Variants in HIP1 observed in about 807,000 individuals in gnomAD.
HIP1 encodes huntingtin-interacting protein 1.
In HIP1, 65 loss-of-function variants were observed where a neutral mutation model predicts 147.6. The observed-to-expected ratio is 0.44, with a 90% CI of 0.36 to 0.54. The LOEUF (loss-of-function observed/expected upper bound fraction) is 0.54. Ranked by LOEUF, HIP1 falls within the 20% of genes least tolerant of loss-of-function variation. HIP1 has a pLI of 0.00. For synonymous variants in HIP1, 479 were observed against 504.0 expected (o/e 0.95, Z 0.67); for missense variants, 1,061 against 1,299.6 (o/e 0.82, Z 2.82).
At position 75,618,850 on chromosome 7, in the gene HIP1, C is replaced by T. The variant is rs1481161359; in HGVS notation, c.121-19603G>A. 3.3e-5 allele frequency among the ~76,000 whole-genome samples: 5 copies of T among 151,980 alleles called. No individual in the cohort carries two copies. In the East Asian group the frequency reaches 5.8e-4, roughly 18 times the overall value. ...CCTGATGCCTCTCCCTTGAGCACATCCTTTTTTTTTTCTTCCAAGTTTTTT... is the reference window on the plus strand; with the variant it reads ...CCTGATGCCTCTCCCTTGAGCACATTCTTTTTTTTTTCTTCCAAGTTTTTT... On this transcript the variant is annotated intron_variant, in intron 1 of 30. Transcript: ENST00000336926.
chr7:75,660,578 G>C (rs1799280881), intron 1 of HIP1, among the ~76,000 whole-genome samples: 1 of 152,110 alleles, frequency 6.6e-6, no homozygotes. Context: ...ATTGGTAAGA[G>C]AAGCATTACC....
intron 1 of HIP1, among the ~76,000 whole-genome samples, chr7:75,644,452 G>C (rs1313485380): frequency 6.6e-6 from 1 of 151,954 alleles, no homozygotes; most frequent in Admixed American, 6.6e-5. Flanking sequence ...GCACCACCAC[G>C]CTCGGCAAAC....
At chr7:75,595,188 CT>C (rs1294112856) in intron 2 of HIP1, among the ~76,000 whole-genome samples, 2 of 31,436 alleles carry the variant, frequency 6.4e-5, no homozygotes, top group Non-Finnish European at 1.5e-4. Flanking sequence ...TGTAGGAGTC[CT>C]TTCTTTCTTT....
intron 1 of HIP1, among the ~76,000 whole-genome samples, chr7:75,611,255 T>A (rs1239741684): frequency 6.6e-6 from 1 of 151,440 alleles, no homozygotes. Flanking sequence ...TTACTTGAGG[T>A]TCGGAGTTCA....
intron 1 of HIP1, among the ~76,000 whole-genome samples, chr7:75,664,407 T>C (rs1056540800): frequency 2.8e-5 from 4 of 143,686 alleles, no homozygotes; most frequent in Admixed American, 7.0e-5. Flanking sequence ...CATACATATA[T>C]ACACATACAT....
intron 7 of HIP1, 119 bp downstream of exon 7, chr7:75,581,118 T>C (rs1796025249): frequency 1.4e-6 from 1 of 717,660 alleles, no homozygotes; most frequent in Admixed American, 2.3e-5. Context: ...AGACCAGAGA[T>C]GGGGTGTGAA....
intron 1 of HIP1, among the ~76,000 whole-genome samples, chr7:75,616,332 C>T (rs908319832): frequency 1.2e-4 from 18 of 151,870 alleles, no homozygotes; most frequent in African/African-American, 3.6e-4. Flanking sequence ...TGTAGTGGTA[C>T]GATCATAGCT....
rs868950241 is a variant in HIP1 at position 75,537,636 on chromosome 7, G to A, written c.*536C>T. The A allele has an allele frequency of 1.7e-4, 39 of 233,802 alleles. No individual in the cohort carries two copies. Among genetic ancestry groups the A allele is most frequent in the South Asian group, 5.4e-4 (3 of 5,602 alleles). The allele number at this position is 233,802 out of a possible 1,614,324, so 14.5% of individuals were successfully genotyped here. ...CATTCACAGCCAGGACACTCCTGCC[G>A]TCCTTCTGACTGTGCAGATCTCAGG... On this transcript the variant is annotated 3_prime_UTR_variant, in exon 31 of 31. Transcript: ENST00000336926.
At chr7:75,566,742 G>A (rs997521720) in intron 9 of HIP1, among the ~76,000 whole-genome samples, 6 of 151,404 alleles carry the variant, frequency 4.0e-5, no homozygotes, top group Admixed American at 2.6e-4. Context: ...AAACCTGCTA[G>A]TGGATTGGAC....
At chr7:75,544,445 A>T (rs1794462557) in intron 27 of HIP1, among the ~76,000 whole-genome samples, 1 of 151,274 alleles carries the variant, frequency 6.6e-6, no homozygotes, top group South Asian at 2.1e-4. Flanking sequence ...TAACGTAGCC[A>T]AGTATTCTCT....
intron 1 of HIP1, among the ~76,000 whole-genome samples, chr7:75,681,086 T>C (rs1800049166): frequency 1.3e-5 from 2 of 151,838 alleles, no homozygotes; most frequent in South Asian, 4.2e-4. Flanking sequence ...CAGATTTTTG[T>C]ATTTTTAGTA....
At position 75,661,572 on chromosome 7, in the gene HIP1, CAAAAAAA is replaced by C. The variant is rs61482074; in HGVS notation, c.121-62332_121-62326del. ...TGGGCAACAGAGCGAGACTCCATCT[CAAAAAAA>C]AAAAAAAAAAAAAAGGGAGGGACAA... On this transcript the variant is annotated intron_variant, in intron 1 of 30. Transcript: ENST00000336926. Among the ~76,000 whole-genome samples the C allele has an allele frequency of 1.6e-3, 73 of 46,908 alleles. No homozygotes were observed. In the East Asian group the frequency reaches 0.032, roughly 21 times the overall value. 30.8% of individuals were successfully genotyped at this position (46,908 alleles called of 152,430 possible). A position where few individuals can be genotyped will look rare whatever the true frequency, so the allele number is the denominator to read the frequency against.
chr7:75,735,943 A>C (rs62475482), intron 1 of HIP1, among the ~76,000 whole-genome samples: 14,463 of 151,868 alleles, frequency 0.095, 851 homozygotes, highest in Middle Eastern at 0.16. Context: ...AAGAGTTTCA[A>C]CACCAGAGGC....
At chr7:75,609,104 C>T (rs115431154) in intron 1 of HIP1, among the ~76,000 whole-genome samples, 1,683 of 152,328 alleles carry the variant, frequency 0.011, 36 homozygotes, top group African/African-American at 0.038. Context: ...CCTAAACCAG[C>T]GGCTACAAGG....
chr7:75,664,859 G>A (rs1475836615), intron 1 of HIP1, among the ~76,000 whole-genome samples: 1 of 152,116 alleles, frequency 6.6e-6, no homozygotes, highest in Non-Finnish European at 1.5e-5. Flanking sequence ...GGCCTCAAGT[G>A]ATCTGCCTGC....
intron 2 of HIP1, among the ~76,000 whole-genome samples, chr7:75,594,787 T>C (rs1015678855): frequency 6.6e-6 from 1 of 152,088 alleles, no homozygotes; most frequent in Non-Finnish European, 1.5e-5. Flanking sequence ...AATAAACAAA[T>C]GTCCCTCTGG....
chr7:75,543,020 C>G lies in HIP1; in HGVS notation c.2767-46G>C, dbSNP rs147653466. On this transcript the variant is annotated intron_variant, in intron 27 of 30. Coordinates refer to ENST00000336926, the MANE Select transcript of HIP1 (RefSeq NM_005338.7). ...TAGGTTCATACAACACCTAGAGCAA[C>G]AAGGACTGAATCAGATAATTGCTCT... 4.3e-4 allele frequency: 682 copies of G among 1,576,106 alleles called. 1 individual carries two copies. The African/African-American group carries it at 7.5e-3, about 17-fold the overall frequency.
intron 1 of HIP1, among the ~76,000 whole-genome samples, chr7:75,630,965 A>T (rs782391714): frequency 2.6e-4 from 40 of 151,938 alleles, no homozygotes; most frequent in Middle Eastern, 3.4e-3. Flanking sequence ...ATTTTATCTT[A>T]TTTTTTTAGA....
At chr7:75,663,400 G>C (rs934708278) in intron 1 of HIP1, among the ~76,000 whole-genome samples, 1 of 152,136 alleles carries the variant, frequency 6.6e-6, no homozygotes, top group Non-Finnish European at 1.5e-5. Context: ...GGCAGTCAAG[G>C]CTGCAGTGAG....
Sources: allele counts gnomAD v4.1 joint callset (sites outside exome capture counted in the v4.1 genomes callset), GRCh38; gene constraint gnomAD v4.1.1; transcripts MANE v1.5; gene names NCBI Gene and HGNC (gene_info 2026-07-23, HGNC 2026-07-21).